The following CEP112 variants were observed in gnomAD, a reference collection of about 807,000 sequenced individuals.
CEP112 encodes the protein centrosomal protein 112, also known as centrosomal protein of 112 kDa.
In CEP112, 127 loss-of-function variants were observed where a neutral mutation model predicts 153.0. The ratio of observed to expected loss-of-function variants is 0.83; its 90% CI spans 0.72 to 0.96. The LOEUF is 0.96. CEP112 is among the 40% of genes least tolerant of loss of function. CEP112 has a pLI of 0.00. For missense variants in CEP112, 1,089 were observed against 1,101.2 expected (o/e 0.99, Z 0.16); for synonymous variants, 358 against 374.4 (o/e 0.96, Z 0.51).
At chr17:66,006,621 T>C (rs1011317167) in intron 16 of CEP112, among the ~76,000 whole-genome samples, 4 of 151,582 alleles carry the variant, frequency 2.6e-5, no homozygotes, top group Non-Finnish European at 5.9e-5. Context: ...AAAAAAAATG[T>C]CTTCACAAAA....
chr17:65,713,384 T>C (rs2049306986), intron 23 of CEP112, among the ~76,000 whole-genome samples: 1 of 152,150 alleles, frequency 6.6e-6, no homozygotes, highest in South Asian at 2.1e-4. Flanking sequence ...AAAATCTAAA[T>C]ATAGCTAATG....
chr17:66,021,723 G>T (rs2065006723), intron 16 of CEP112, among the ~76,000 whole-genome samples: 1 of 152,092 alleles, frequency 6.6e-6, no homozygotes, highest in African/African-American at 2.4e-5. Context: ...CCCTGTCAGG[G>T]CTGGTGCTTG....
intron 6 of CEP112, among the ~76,000 whole-genome samples, chr17:66,117,286 A>G (rs2069344805): frequency 6.6e-6 from 1 of 152,132 alleles, no homozygotes. Context: ...AGAAATTATT[A>G]GTCACTCTGA....
intron 21 of CEP112, among the ~76,000 whole-genome samples, chr17:65,791,163 G>T (rs11650100): frequency 0.34 from 51,680 of 151,970 alleles, 10,159 homozygotes; most frequent in Middle Eastern, 0.47. Flanking sequence ...ATCAATAAAA[G>T]GATGACAGTA....
intron 21 of CEP112, among the ~76,000 whole-genome samples, chr17:65,756,538 G>T (rs1271344805): frequency 6.6e-6 from 1 of 151,728 alleles, no homozygotes; most frequent in Non-Finnish European, 1.5e-5. Context: ...TGAGGCCTGA[G>T]AATTGATCAC....
Position 66,080,241 on chromosome 17 carries a change from A to C in CEP112, c.769-10240T>G, listed in dbSNP as rs143334891. On this transcript the variant is annotated intron_variant, in intron 8 of 26. Transcript: ENST00000535342. The stretch of plus-strand genomic sequence containing the variant: ...ACAGGCAACCTACAGAAGGGCAGAA[A>C]ATTTTTGCAATCTATCCATCTGACA... Among the ~76,000 whole-genome samples the C allele has an allele frequency of 3.1e-3, 475 of 152,302 alleles. 1 individual carries two copies. The highest frequency in any genetic ancestry group is 0.011 in the African/African-American group (455 of 41,560).
rs537660692 is a variant in CEP112, at chr17:65,761,819, A to G, written c.2395-11095T>C. Among the ~76,000 whole-genome samples the G allele has an allele frequency of 2.6e-4, 40 of 152,218 alleles. 1 individual carries two copies. Among genetic ancestry groups the G allele is most frequent in the Middle Eastern group, 3.4e-3 (1 of 294 alleles). Reference sequence around the variant, plus strand: ...CGTTTTATGGCCCAGAATGTAGTCTATCTAGGGGAATGGTCCATGTGAGGT... The same window carrying G: ...CGTTTTATGGCCCAGAATGTAGTCTGTCTAGGGGAATGGTCCATGTGAGGT... On this transcript the variant is annotated intron_variant, in intron 21 of 26. Transcript: ENST00000535342.
At chr17:65,684,156 T>C (rs904955477) in intron 24 of CEP112, among the ~76,000 whole-genome samples, 1 of 152,240 alleles carries the variant, frequency 6.6e-6, no homozygotes, top group African/African-American at 2.4e-5. Flanking sequence ...GCAAAATCTA[T>C]AACTTATTCA....
intron 24 of CEP112, among the ~76,000 whole-genome samples, chr17:65,675,235 CTAAA>C (rs2144122444): frequency 6.6e-6 from 1 of 152,238 alleles, no homozygotes; most frequent in South Asian, 2.1e-4. Context: ...GTAGAAAAAT[CTAAA>C]TACCGTAACT....
intron 24 of CEP112, among the ~76,000 whole-genome samples, chr17:65,654,228 G>A (rs1373488023): frequency 2.0e-5 from 3 of 152,086 alleles, no homozygotes; most frequent in South Asian, 2.1e-4. Flanking sequence ...AGAAAAATCC[G>A]TTTTAAGAAA....
At chr17:65,767,271 T>A (rs2053042053) in intron 21 of CEP112, among the ~76,000 whole-genome samples, 1 of 152,050 alleles carries the variant, frequency 6.6e-6, no homozygotes, top group Non-Finnish European at 1.5e-5. Flanking sequence ...ATTAAACAAC[T>A]GGCTCTAAAT....
At chr17:65,859,697 G>A (rs939515803) in intron 20 of CEP112, among the ~76,000 whole-genome samples, 1 of 149,318 alleles carries the variant, frequency 6.7e-6, no homozygotes, top group Non-Finnish European at 1.5e-5. Context: ...ATTCACAAGT[G>A]TATGACAAGA....
rs2061078658 is a variant in CEP112 at position 65,930,408 on chromosome 17, C to G, written c.1873-2719G>C. Among the ~76,000 whole-genome samples, 2 of 152,224 alleles carry G rather than the reference C, an allele frequency of 1.3e-5. 1 individual carries two copies. Among genetic ancestry groups the G allele is most frequent in the South Asian group, 4.1e-4 (2 of 4,838 alleles). On this transcript the variant is annotated intron_variant, in intron 18 of 26. Transcript: ENST00000535342. ...AGAACAAAATGCATATTACCACCCA[C>G]TACTGTGTCTAACACCACATTCCAG...
chr17:65,953,010 C>G (rs1422160244), intron 18 of CEP112, among the ~76,000 whole-genome samples: 1 of 151,166 alleles, frequency 6.6e-6, no homozygotes, highest in Non-Finnish European at 1.5e-5. Context: ...ATTTTAGATG[C>G]AAGTTCTTCG....
chr17:65,976,994 TC>T (rs2063061792), intron 17 of CEP112, among the ~76,000 whole-genome samples: 1 of 152,128 alleles, frequency 6.6e-6, no homozygotes, highest in African/African-American at 2.4e-5. Flanking sequence ...CGCCTAGGGC[TC>T]CCAAAGTGCT....
At position 66,096,408 on chromosome 17, in the gene CEP112, T is replaced by A; in HGVS notation, c.691-80A>T. On this transcript the variant is annotated intron_variant, in intron 7 of 26. Transcript: ENST00000535342. ...CCCCAAAGAAAACTTCTAAATTGCC[T>A]GAGGCCCGTACCAAAATAGTACTAA... The A allele has an allele frequency of 2.9e-6, 4 of 1,375,622 alleles. No individual in the cohort carries two copies. In the East Asian group the frequency reaches 9.2e-5, roughly 32 times the overall value. 85.2% of individuals were successfully genotyped at this position (1,375,622 alleles called of 1,614,324 possible). A position where few individuals can be genotyped will look rare whatever the true frequency, so the allele number is the denominator to read the frequency against.
At chr17:66,054,324 C>A (rs2066584094) in intron 11 of CEP112, among the ~76,000 whole-genome samples, 1 of 152,102 alleles carries the variant, frequency 6.6e-6, no homozygotes, top group Non-Finnish European at 1.5e-5. Context: ...TGCTTTCTCC[C>A]CTACCTGCAC....
intron 21 of CEP112, among the ~76,000 whole-genome samples, chr17:65,800,614 T>C (rs2055208235): frequency 6.6e-6 from 1 of 152,210 alleles, no homozygotes; most frequent in Non-Finnish European, 1.5e-5. Context: ...TTCAATTATC[T>C]TGGTATATCC....
chr17:66,103,016 C>G (rs1822369), intron 6 of CEP112, among the ~76,000 whole-genome samples: 151,797 of 152,050 alleles, frequency 1, 75,773 homozygotes, highest in Middle Eastern at 1. Flanking sequence ...CTGAGGTCAG[C>G]AGTTCGAGAC....
Sources: allele counts gnomAD v4.1 joint callset (sites outside exome capture counted in the v4.1 genomes callset), GRCh38; gene constraint gnomAD v4.1.1; transcripts MANE v1.5; gene names NCBI Gene and HGNC (gene_info 2026-07-23, HGNC 2026-07-21).